The following RALGPS2 variants were observed in gnomAD, a reference collection of about 807,000 sequenced individuals.
The protein encoded by RALGPS2 is ras-specific guanine nucleotide-releasing factor RalGPS2.
In RALGPS2, 43 loss-of-function variants were observed where a neutral mutation model predicts 86.8. The ratio of observed to expected loss-of-function variants is 0.50; its 90% confidence interval spans 0.39 to 0.64. The LOEUF (loss-of-function observed/expected upper bound fraction) is 0.64. RALGPS2 is among the 30% of genes least tolerant of loss of function. The probability of loss-of-function intolerance (pLI) is 0.00; values close to 1 mark genes in which losing one functional copy is unlikely to be tolerated. For synonymous variants in RALGPS2, 243 were observed against 231.3 expected (o/e 1.05, Z -0.46); for missense variants, 536 against 694.6 (o/e 0.77, Z 2.57).
chr1:178,834,442 G>A (rs1656172290), intron 8 of RALGPS2, among the ~76,000 whole-genome samples: 1 of 152,128 alleles, frequency 6.6e-6, no homozygotes, highest in African/African-American at 2.4e-5. Flanking sequence ...GACAAAGAAG[G>A]GACAAAGGCA....
At chr1:178,741,485 T>C (rs1651023120) in intron 1 of RALGPS2, among the ~76,000 whole-genome samples, 1 of 152,212 alleles carries the variant, frequency 6.6e-6, no homozygotes. Flanking sequence ...TATGTTTTTC[T>C]AGTACTTGCT....
At chr1:178,841,682 AT>A (rs1202020815) in intron 8 of RALGPS2, among the ~76,000 whole-genome samples, 2 of 80,872 alleles carry the variant, frequency 2.5e-5, no homozygotes, top group South Asian at 4.9e-4. Context: ...AATAAAGGGT[AT>A]TCAATTAGGA....
chr1:178,883,427 A>T, intron 10 of RALGPS2, 39 bp from the exon 11 acceptor site: 1 of 1,418,672 alleles, frequency 7.0e-7, no homozygotes, highest in Non-Finnish European at 9.9e-7. Context: ...GTCAAATGTT[A>T]ATTAATCATT....
At chr1:178,792,477 C>T (rs1254346810) in intron 4 of RALGPS2, among the ~76,000 whole-genome samples, 1 of 152,160 alleles carries the variant, frequency 6.6e-6, no homozygotes, top group East Asian at 1.9e-4. Flanking sequence ...GAATAAAATG[C>T]TATTACACGG....
intron 1 of RALGPS2, among the ~76,000 whole-genome samples, chr1:178,752,345 C>CG (rs1033856972): frequency 1.4e-5 from 2 of 143,176 alleles, no homozygotes; most frequent in Admixed American, 6.9e-5. Context: ...AGATTGGTGG[C>CG]GGGGGGGAGG....
intron 1 of RALGPS2, among the ~76,000 whole-genome samples, chr1:178,736,534 A>G (rs1650713829): frequency 6.6e-6 from 1 of 152,072 alleles, no homozygotes; most frequent in South Asian, 2.1e-4. Flanking sequence ...ACTTTCTCCA[A>G]TTTTCTCTTC....
At chr1:178,794,905 C>T (rs1258918432) in intron 4 of RALGPS2, among the ~76,000 whole-genome samples, 1 of 152,006 alleles carries the variant, frequency 6.6e-6, no homozygotes, top group Admixed American at 6.6e-5. Flanking sequence ...TTAGGCTGGG[C>T]GTGGTGGCTA....
intron 8 of RALGPS2, among the ~76,000 whole-genome samples, chr1:178,859,759 G>A (rs1193529972): frequency 1.2e-3 from 126 of 104,914 alleles, no homozygotes; most frequent in East Asian, 1.6e-3. Flanking sequence ...GTGCAGTGTC[G>A]CGATCTCGGC....
rs146225200 is a variant in RALGPS2 at position 178,828,438 on chromosome 1, A to G, written c.481-4986A>G. Among the ~76,000 whole-genome samples, 52 of 152,338 alleles carry G rather than the reference A, an allele frequency of 3.4e-4. No homozygotes were observed. The Middle Eastern group carries it at 0.01, about 30-fold the overall frequency. On this transcript the variant is annotated intron_variant, in intron 7 of 19. Coordinates refer to ENST00000367635, the MANE Select transcript of RALGPS2 (RefSeq NM_152663.5). ...GCAGTTATAACACGGTGGTATTTGT[A>G]TATTTAAACATGGAAACAGCACAGT... is the stretch of plus-strand genomic sequence containing the variant.
intron 6 of RALGPS2, among the ~76,000 whole-genome samples, chr1:178,814,913 C>T (rs534585355): frequency 6.6e-6 from 1 of 152,312 alleles, no homozygotes; most frequent in Admixed American, 6.5e-5. Context: ...AAATTTATCT[C>T]ATTTTAGTTT....
In RALGPS2 at chr1:178,790,222, G is replaced by C. The variant is rs985995031; in HGVS notation, c.213+4615G>C. 3.9e-5 allele frequency among the ~76,000 whole-genome samples: 6 copies of C among 152,092 alleles called. 1 individual carries two copies. Among genetic ancestry groups the C allele is most frequent in the Admixed American group, 3.9e-4 (6 of 15,246 alleles). On this transcript the variant is annotated intron_variant, in intron 4 of 19. Transcript: ENST00000367635. ...CTGCCTTGGCCTGCCAAAGTGCTGG[G>C]TTACAGGTGTGAGCCACTGCGCCCA...
intron 8 of RALGPS2, among the ~76,000 whole-genome samples, chr1:178,844,384 T>C (rs1429475421): frequency 2.0e-5 from 3 of 152,018 alleles, no homozygotes; most frequent in Non-Finnish European, 4.4e-5. Context: ...GGGAGTAGAG[T>C]CCTATATGCT....
chr1:178,833,085 A>G (rs1290050403), intron 7 of RALGPS2, among the ~76,000 whole-genome samples: 2 of 152,116 alleles, frequency 1.3e-5, no homozygotes, highest in African/African-American at 2.4e-5. Context: ...GTTCATTAAA[A>G]TACTTGGACA....
chr1:178,880,671 A>G (rs1373352341), intron 10 of RALGPS2, among the ~76,000 whole-genome samples: 1 of 152,174 alleles, frequency 6.6e-6, no homozygotes. Context: ...TAAAATTCAA[A>G]ATGTGAGTAA....
chr1:178,856,036 T>C (rs1215730899), intron 8 of RALGPS2, among the ~76,000 whole-genome samples: 1 of 149,098 alleles, frequency 6.7e-6, no homozygotes, highest in Non-Finnish European at 1.5e-5. Context: ...AAATTCTGAT[T>C]GTCAAATTTT....
chr1:178,815,363 G>A (rs1173762468), intron 6 of RALGPS2, among the ~76,000 whole-genome samples: 1 of 152,096 alleles, frequency 6.6e-6, no homozygotes. Flanking sequence ...GGGATTACAG[G>A]TGTGAGCCAC....
chr1:178,895,684 TTAAACA>T (rs1659910427), intron 16 of RALGPS2, among the ~76,000 whole-genome samples: 1 of 151,902 alleles, frequency 6.6e-6, no homozygotes, highest in Non-Finnish European at 1.5e-5. Context: ...TGATGATAAA[TTAAACA>T]TGATGTATGA....
intron 8 of RALGPS2, among the ~76,000 whole-genome samples, chr1:178,855,246 T>A (rs1485297045): frequency 6.6e-6 from 1 of 151,812 alleles, no homozygotes; most frequent in Admixed American, 6.6e-5. Flanking sequence ...TAGAAGGGAT[T>A]CTTAGAGACT....
intron 6 of RALGPS2, among the ~76,000 whole-genome samples, chr1:178,821,297 A>G (rs1655492481): frequency 6.6e-6 from 1 of 152,218 alleles, no homozygotes; most frequent in South Asian, 2.1e-4. Context: ...ACTGTTTACT[A>G]GAAACCAGCT....
Sources: allele counts gnomAD v4.1 joint callset (sites outside exome capture counted in the v4.1 genomes callset), GRCh38; gene constraint gnomAD v4.1.1; transcripts MANE v1.5; gene names NCBI Gene and HGNC (gene_info 2026-07-23, HGNC 2026-07-21).